SETD3: variants seen among roughly 807,000 people sequenced by gnomAD.
The protein encoded by SETD3 is SET domain containing 3, actin N3(tau)-histidine methyltransferase, also known as actin-histidine N-methyltransferase.
SETD3 carries 19 observed loss-of-function variants against 63.0 expected under a neutral mutation model. The observed-to-expected ratio is 0.30, with a 90% CI of 0.21 to 0.44. SETD3 has a LOEUF of 0.44. Ranked by LOEUF, SETD3 falls within the 20% of genes least tolerant of loss-of-function variation. SETD3 has a pLI of 1.00. For synonymous variants in SETD3, 286 were observed against 264.1 expected (o/e 1.08, Z -0.80); for missense variants, 587 against 728.5 (o/e 0.81, Z 2.24).
In SETD3 at chr14:99,460,308, A is replaced by G. The variant is rs115617871; in HGVS notation, c.345+884T>C. Among the ~76,000 whole-genome samples the G allele has an allele frequency of 8.6e-3, 1,302 of 152,266 alleles. 28 individuals carry two copies. Among genetic ancestry groups the G allele is most frequent in the African/African-American group, 0.03 (1,245 of 41,538 alleles). On this transcript the variant is annotated intron_variant, in intron 4 of 12. Transcript: ENST00000331768. Reference sequence around the variant, plus strand: ...GCTGGAGGTTTGAGGGGGCCCAAATAACACCCCTTCCTCCACCCAAGTTCT... The same window carrying G: ...GCTGGAGGTTTGAGGGGGCCCAAATGACACCCCTTCCTCCACCCAAGTTCT...
intron 8 of SETD3, chr14:99,411,899 AT>A (rs1892012855): frequency 6.6e-6 from 1 of 152,366 alleles, no homozygotes; most frequent in African/African-American, 2.4e-5. Context: ...TACTTTTAAG[AT>A]TCAAGAACAT....
At chr14:99,401,872 C>T (rs540734967) in intron 11 of SETD3, among the ~76,000 whole-genome samples, 2 of 152,246 alleles carry the variant, frequency 1.3e-5, no homozygotes, top group East Asian at 1.9e-4. Context: ...GCTTTCTCTC[C>T]GCTACTTTTT....
At chr14:99,411,939 A>T (rs1269394855) in intron 8 of SETD3, 1 of 152,254 alleles carries the variant, frequency 6.6e-6, no homozygotes, top group Non-Finnish European at 1.5e-5. Flanking sequence ...CCAAATTAGC[A>T]CTAGGATATT....
intron 12 of SETD3, among the ~76,000 whole-genome samples, chr14:99,399,389 C>T (rs1167629552): frequency 6.6e-6 from 1 of 152,206 alleles, no homozygotes; most frequent in Non-Finnish European, 1.5e-5. Context: ...AACAGTGCTA[C>T]CCCATCTGCC....
At chr14:99,479,720 T>TA (rs1896164526) in intron 1 of SETD3, among the ~76,000 whole-genome samples, 1 of 152,220 alleles carries the variant, frequency 6.6e-6, no homozygotes, top group Non-Finnish European at 1.5e-5. Context: ...GAAGATGGGG[T>TA]AACTCTTCGA....
At chr14:99,462,254 C>G (rs1895107672) in intron 3 of SETD3, among the ~76,000 whole-genome samples, 1 of 152,190 alleles carries the variant, frequency 6.6e-6, no homozygotes, top group Admixed American at 6.5e-5. Context: ...ATATTAATTT[C>G]TGAACTTTTC....
chr14:99,461,769 G>C, intron 3 of SETD3, among the ~76,000 whole-genome samples: 1 of 152,134 alleles, frequency 6.6e-6, no homozygotes, highest in East Asian at 1.9e-4. Context: ...TGTGCACAAG[G>C]AGACATGGGA....
At chr14:99,455,088 C>G (rs193274352) in intron 6 of SETD3, among the ~76,000 whole-genome samples, 1 of 152,348 alleles carries the variant, frequency 6.6e-6, no homozygotes, top group African/African-American at 2.4e-5. Flanking sequence ...ATGAACTATA[C>G]AATACAGGTT....
intron 1 of SETD3, among the ~76,000 whole-genome samples, chr14:99,469,502 G>A (rs773896329): frequency 5.3e-5 from 8 of 152,250 alleles, no homozygotes; most frequent in Non-Finnish European, 7.3e-5. Context: ...CTAGCACTTT[G>A]GGAGGCCAAG....
In SETD3 at chr14:99,398,971, G is replaced by A. The variant is rs771711935; in HGVS notation, c.1493C>T (p.Pro498Leu). Residue 498 changes from proline (P) to leucine (L), a missense_variant, in exon 13 of 13, where the codon CCG (proline) becomes CTG (leucine). Pro to Leu is a moderately conservative substitution (Grantham distance 98). Transcript: ENST00000331768. ...GTTACTCTCTTCATATTTGGGAAGC[G>A]GAGCCTTTTCCTCCATCTGTTGGCG... The part of the protein sequence containing the change: ...YYRQQMEEKA[P>L]LPKYEESNLG... The A allele has an allele frequency of 8.7e-5, 141 of 1,614,032 alleles. No homozygotes were observed. The highest frequency in any genetic ancestry group is 3.3e-4 in the East Asian group (15 of 44,892).
chr14:99,476,038 G>A (rs750871689), intron 1 of SETD3, among the ~76,000 whole-genome samples: 70 of 152,270 alleles, frequency 4.6e-4, no homozygotes, highest in African/African-American at 1.4e-3. Flanking sequence ...CAATATGATC[G>A]TCCCCATCAC....
chr14:99,451,854 G>A (rs887006825), intron 6 of SETD3, among the ~76,000 whole-genome samples: 11 of 152,014 alleles, frequency 7.2e-5, no homozygotes, highest in African/African-American at 1.4e-4. Flanking sequence ...TTCCTGCAGC[G>A]TGAGGCTTCT....
chr14:99,407,781 C>T (rs900433198), intron 8 of SETD3, among the ~76,000 whole-genome samples: 21 of 152,120 alleles, frequency 1.4e-4, no homozygotes, highest in Non-Finnish European at 7.4e-5. Context: ...GCCCAAGTCA[C>T]GTTATCTGTG....
At chr14:99,415,594 C>T (rs1892248667) in intron 6 of SETD3, among the ~76,000 whole-genome samples, 1 of 151,450 alleles carries the variant, frequency 6.6e-6, no homozygotes, top group African/African-American at 2.4e-5. Context: ...CTGATGAAAT[C>T]ATTTAGGGAA....
intron 8 of SETD3, among the ~76,000 whole-genome samples, chr14:99,406,893 G>C (rs923061324): frequency 2.6e-5 from 4 of 152,190 alleles, no homozygotes; most frequent in Non-Finnish European, 5.9e-5. Context: ...GGGCCTCCCT[G>C]GTGGCAGTGA....
intron 1 of SETD3, among the ~76,000 whole-genome samples, chr14:99,473,006 T>C (rs1244016368): frequency 6.6e-6 from 1 of 152,218 alleles, no homozygotes; most frequent in Non-Finnish European, 1.5e-5. Flanking sequence ...CATCAAGATA[T>C]TTTTAAAATC....
intron 6 of SETD3, among the ~76,000 whole-genome samples, chr14:99,457,276 T>C (rs533773122): frequency 2.0e-5 from 3 of 152,236 alleles, no homozygotes; most frequent in South Asian, 2.1e-4. Flanking sequence ...AACCGAGTGA[T>C]TGATTTCCAC....
At chr14:99,437,977 C>G (rs1893584850) in intron 6 of SETD3, among the ~76,000 whole-genome samples, 1 of 152,164 alleles carries the variant, frequency 6.6e-6, no homozygotes, top group Non-Finnish European at 1.5e-5. Context: ...GAAACCACAG[C>G]CACTAATTCA....
At chr14:99,463,792 C>G (rs1173357597) in intron 2 of SETD3, among the ~76,000 whole-genome samples, 1 of 152,134 alleles carries the variant, frequency 6.6e-6, no homozygotes, top group Admixed American at 6.5e-5. Context: ...ATAAAAACAT[C>G]CCCCACTTAA....
Sources: allele counts gnomAD v4.1 joint callset (sites outside exome capture counted in the v4.1 genomes callset), GRCh38; gene constraint gnomAD v4.1.1; transcripts MANE v1.5; gene names NCBI Gene and HGNC (gene_info 2026-07-23, HGNC 2026-07-21).